The following GAB2 variants were observed in gnomAD, a reference collection of about 807,000 sequenced individuals.
GAB2 encodes the protein GRB2-associated-binding protein 2.
GAB2 carries 26 observed loss-of-function variants against 65.5 expected under a neutral mutation model. The ratio of observed to expected loss-of-function variants is 0.40; its 90% CI spans 0.29 to 0.55. The LOEUF is 0.55. Among genes scored for constraint, GAB2 ranks in the 20% least tolerant of loss-of-function variants. The pLI is 0.53. For synonymous variants in GAB2, 321 were observed against 329.6 expected, an observed-to-expected ratio of 0.97 and a Z score of 0.28; for missense variants, 884 against 875.8, an observed-to-expected ratio of 1.01 and a Z score of -0.12.
At chr11:78,350,953 A>G (rs939518004) in intron 1 of GAB2, among the ~76,000 whole-genome samples, 1 of 152,214 alleles carries the variant, frequency 6.6e-6, no homozygotes, top group Non-Finnish European at 1.5e-5. Flanking sequence ...GAACTGAAAC[A>G]TTCCCCCTTG....
intron 1 of GAB2, among the ~76,000 whole-genome samples, chr11:78,373,948 G>T (rs1444364389): frequency 6.6e-6 from 1 of 152,190 alleles, no homozygotes; most frequent in Non-Finnish European, 1.5e-5. Context: ...ACAAATGCTT[G>T]TTAAAGGAAT....
At chr11:78,367,224 C>A (rs1307802000) in intron 1 of GAB2, among the ~76,000 whole-genome samples, 3 of 152,198 alleles carry the variant, frequency 2.0e-5, no homozygotes, top group Admixed American at 2.0e-4. Flanking sequence ...TATCCTTTAA[C>A]CTACTTTGTG....
chr11:78,386,343 C>T (rs561207627), intron 1 of GAB2, among the ~76,000 whole-genome samples: 16 of 152,318 alleles, frequency 1.1e-4, no homozygotes, highest in Non-Finnish European at 1.5e-4. Context: ...GGTCTGGCTA[C>T]AAGGACAGAC....
chr11:78,245,787 A>C (rs114374993), intron 3 of GAB2, among the ~76,000 whole-genome samples: 2,474 of 152,312 alleles, frequency 0.016, 69 homozygotes, highest in African/African-American at 0.056. Context: ...ATCTTGCTTC[A>C]GCCTGAGGAA....
chr11:78,306,517 G>C (rs1469353957), intron 1 of GAB2, among the ~76,000 whole-genome samples: 1 of 152,216 alleles, frequency 6.6e-6, no homozygotes, highest in Non-Finnish European at 1.5e-5. Flanking sequence ...CAGGCGGTGA[G>C]CACTGCGCCC....
At chr11:78,219,831 G>A (rs1442975101) in intron 9 of GAB2, among the ~76,000 whole-genome samples, 1 of 152,154 alleles carries the variant, frequency 6.6e-6, no homozygotes, top group Non-Finnish European at 1.5e-5. Context: ...CTGTGAAGGG[G>A]AACCATGCTG....
intron 2 of GAB2, among the ~76,000 whole-genome samples, chr11:78,254,607 C>A (rs1446048383): frequency 6.6e-6 from 1 of 152,048 alleles, no homozygotes; most frequent in East Asian, 1.9e-4. Flanking sequence ...TGAGACCAGC[C>A]TGGGAAACCT....
At chr11:78,316,991 G>A (rs1281676475) in intron 1 of GAB2, among the ~76,000 whole-genome samples, 1 of 152,184 alleles carries the variant, frequency 6.6e-6, no homozygotes, top group Non-Finnish European at 1.5e-5. Context: ...GCTACAGCAG[G>A]GATGAACCTT....
At chr11:78,409,884 C>A (rs547469228) in intron 1 of GAB2, among the ~76,000 whole-genome samples, 1 of 152,074 alleles carries the variant, frequency 6.6e-6, no homozygotes, top group African/African-American at 2.4e-5. Flanking sequence ...ATAAAATAAA[C>A]CTTGACAAGT....
At chr11:78,374,647 C>T (rs1044581473) in intron 1 of GAB2, among the ~76,000 whole-genome samples, 8 of 152,144 alleles carry the variant, frequency 5.3e-5, no homozygotes, top group Non-Finnish European at 1.2e-4. Flanking sequence ...CTATCCCTAT[C>T]TTTAAGGGTT....
intron 1 of GAB2, 119 bp from the exon 2 acceptor site, chr11:78,281,020 C>T: frequency 1.3e-6 from 1 of 758,640 alleles, no homozygotes; most frequent in Non-Finnish European, 2.2e-6. Flanking sequence ...GTGGCACAAT[C>T]AAAGCTCACT....
At chr11:78,365,094 T>A (rs914748806) in intron 1 of GAB2, among the ~76,000 whole-genome samples, 3 of 152,170 alleles carry the variant, frequency 2.0e-5, no homozygotes, top group Non-Finnish European at 4.4e-5. Flanking sequence ...CCCAAGGTGA[T>A]AGCAACTTAA....
intron 3 of GAB2, among the ~76,000 whole-genome samples, chr11:78,240,949 A>G (rs1287767079): frequency 6.6e-6 from 1 of 152,240 alleles, no homozygotes; most frequent in African/African-American, 2.4e-5. Flanking sequence ...CTCTGAGCTT[A>G]GAAACCCAAC....
At chr11:78,289,840 T>TTTTA (rs1554984002) in intron 1 of GAB2, among the ~76,000 whole-genome samples, 1 of 144,530 alleles carries the variant, frequency 6.9e-6, no homozygotes, top group African/African-American at 2.6e-5. Flanking sequence ...TTTTTTTTTT[T>TTTTA]AAATACAACA....
intron 1 of GAB2, among the ~76,000 whole-genome samples, chr11:78,329,698 C>G (rs1245896822): frequency 6.6e-6 from 1 of 152,156 alleles, no homozygotes; most frequent in African/African-American, 2.4e-5. Context: ...TTTATGGAAG[C>G]AGTTTTGTAC....
chr11:78,233,639 C>T (rs1280840188), intron 3 of GAB2, among the ~76,000 whole-genome samples: 2 of 152,140 alleles, frequency 1.3e-5, no homozygotes, highest in Admixed American at 1.3e-4. Flanking sequence ...GTCTTGCTCA[C>T]TCTGTCGCCC....
chr11:78,217,631 A>C lies in GAB2; in HGVS notation c.*1641T>G, dbSNP rs528419242. 3 of 152,332 alleles carry C rather than the reference A, an allele frequency of 2.0e-5. No individual in the cohort carries two copies. Among genetic ancestry groups the C allele is most frequent in the African/African-American group, 7.2e-5 (3 of 41,562 alleles). 9.4% of individuals were successfully genotyped at this position (152,332 alleles called of 1,614,324 possible). A position where few individuals can be genotyped will look rare whatever the true frequency, so the allele number is the denominator to read the frequency against. On this transcript the variant is annotated 3_prime_UTR_variant, in exon 10 of 10. Transcript: ENST00000361507. ...TTCTGAAACTCTTGAAAATTTAGTC[A>C]AGAACAGTCAACATAAAAACATTCA...
At chr11:78,227,631 CAAAAA>C (rs55716895) in intron 3 of GAB2, among the ~76,000 whole-genome samples, 2 of 106,124 alleles carry the variant, frequency 1.9e-5, no homozygotes, top group Admixed American at 1.0e-4. Flanking sequence ...CCATTGCCAC[CAAAAA>C]AAAAAAAAAA....
intron 3 of GAB2, 21 bp downstream of exon 3, chr11:78,250,136 A>T (rs1865407813): frequency 6.2e-7 from 1 of 1,610,882 alleles, no homozygotes. Flanking sequence ...AACCCACCTA[A>T]TGGCTGTGGC....
Sources: gnomAD v4.1 joint callset for allele counts (sites outside exome capture counted in the v4.1 genomes callset) on GRCh38, gnomAD v4.1.1 for gene constraint, MANE v1.5 for transcripts, NCBI Gene and HGNC (gene_info 2026-07-23, HGNC 2026-07-21) for gene names.